PHF21A: variants seen among roughly 807,000 people sequenced by gnomAD.
PHF21A encodes PHD finger protein 21A.
Under a neutral mutation model 82.5 loss-of-function variants are expected in PHF21A, and 11 were observed. The ratio of observed to expected loss-of-function variants is 0.13; its 90% confidence interval spans 0.08 to 0.22. PHF21A has a LOEUF of 0.22. PHF21A is among the 10% of genes least tolerant of loss of function. PHF21A has a pLI of 1.00. For missense variants in PHF21A, 579 were observed against 837.8 expected (o/e 0.69, Z 3.81); for synonymous variants, 297 against 302.8 (o/e 0.98, Z 0.20).
intron 1 of PHF21A, among the ~76,000 whole-genome samples, chr11:46,109,891 G>C (rs1021675990): frequency 5.3e-5 from 8 of 151,336 alleles, no homozygotes; most frequent in Non-Finnish European, 8.8e-5. Context: ...TGAGGAAGGA[G>C]AATCACTTGA....
rs1471627209 is a variant in PHF21A at position 45,948,907 on chromosome 11, G to A, written c.1267C>T (p.His423Tyr). The part of the protein sequence containing the change: ...SAVTYLNSTM[H>Y]PGTRKRGRPP... ...TCACCTCTCTTCCGGGTCCCAGGGTGCATTGTGCTGTTTAGGTATGTCACT... is the reference window on the plus strand; with the variant it reads ...TCACCTCTCTTCCGGGTCCCAGGGTACATTGTGCTGTTTAGGTATGTCACT... Residue 423 changes from histidine to tyrosine, a missense_variant, in exon 14 of 19, where the codon CAC (histidine) becomes TAC (tyrosine). Coordinates refer to ENST00000676320, the MANE Select transcript of PHF21A (RefSeq NM_001352027.3). The A allele has an allele frequency of 1.2e-6, 2 of 1,613,976 alleles. No homozygotes were observed. Among genetic ancestry groups the A allele is most frequent in the African/African-American group, 2.7e-5 (2 of 75,072 alleles).
At chr11:46,099,689 C>T (rs1009341362) in intron 1 of PHF21A, among the ~76,000 whole-genome samples, 2 of 152,024 alleles carry the variant, frequency 1.3e-5, no homozygotes, top group African/African-American at 4.8e-5. Context: ...GAGAAAAAAG[C>T]CAAGCTTTAT....
chr11:45,981,610 G>A (rs1033195062), intron 6 of PHF21A, among the ~76,000 whole-genome samples: 3 of 151,976 alleles, frequency 2.0e-5, no homozygotes, highest in Non-Finnish European at 4.4e-5. Context: ...TTTCAAGTTA[G>A]TTCATTAGCA....
At chr11:45,934,751 AGGAC>A in intron 18 of PHF21A, 1 of 333,604 alleles carries the variant, frequency 3.0e-6, no homozygotes, top group Non-Finnish European at 5.9e-6. Flanking sequence ...CGAAGCCCCA[AGGAC>A]AAAGGCCTGC....
intron 6 of PHF21A, among the ~76,000 whole-genome samples, chr11:46,027,563 T>C (rs183866845): frequency 1.1e-4 from 16 of 152,332 alleles, no homozygotes; most frequent in Admixed American, 3.9e-4. Context: ...ATTCAGTCTT[T>C]AATGCACACA....
chr11:46,074,769 C>G (rs1485685458), intron 6 of PHF21A, among the ~76,000 whole-genome samples: 1 of 152,192 alleles, frequency 6.6e-6, no homozygotes, highest in African/African-American at 2.4e-5. Context: ...TCCCAAAGTG[C>G]TGGGATTACA....
Position 45,979,869 on chromosome 11 carries a change from A to T in PHF21A, c.251T>A (p.Leu84Gln), listed in dbSNP as rs188375803. ...IQPLPQSENK[L>Q]QTAQQQPLQQ... ...TAGTGGTTGCTGCTGTGCTGTTTGTAGTTTGTTTTCAGATTGTGGCAATGG... is the reference window on the plus strand; with the variant it reads ...TAGTGGTTGCTGCTGTGCTGTTTGTTGTTTGTTTTCAGATTGTGGCAATGG... The change falls in exon 7 of 19, where the codon CTA becomes CAA. Residue 84 changes from leucine to glutamine, a missense_variant. Leu to Gln is a moderately radical substitution (Grantham distance 113). Coordinates refer to ENST00000676320, the MANE Select transcript of PHF21A (RefSeq NM_001352027.3). 4 of 1,614,140 alleles carry T rather than the reference A, an allele frequency of 2.5e-6. No homozygotes were observed. Among genetic ancestry groups the T allele is most frequent in the Non-Finnish European group, 3.4e-6 (4 of 1,180,028 alleles).
At chr11:45,950,825 C>T (rs1170115263) in intron 11 of PHF21A, among the ~76,000 whole-genome samples, 1 of 152,168 alleles carries the variant, frequency 6.6e-6, no homozygotes, top group Non-Finnish European at 1.5e-5. Context: ...TTAACAAGCT[C>T]CAAATCCTGA....
At chr11:45,935,055 T>A in intron 18 of PHF21A, 1 of 1,214,082 alleles carries the variant, frequency 8.2e-7, no homozygotes, top group Non-Finnish European at 1.1e-6. Context: ...GGGAGAAGCC[T>A]CTGTCCCCCT....
intron 6 of PHF21A, among the ~76,000 whole-genome samples, chr11:46,018,624 G>A (rs2095566045): frequency 1.3e-5 from 2 of 152,144 alleles, no homozygotes; most frequent in Admixed American, 6.5e-5. Flanking sequence ...ATTTCATATG[G>A]AAGAGATTCC....
At chr11:46,014,911 C>T (rs1300509174) in intron 6 of PHF21A, among the ~76,000 whole-genome samples, 1 of 87,352 alleles carries the variant, frequency 1.1e-5, no homozygotes, top group South Asian at 3.6e-4. Flanking sequence ...ACCCGGGAGG[C>T]GGAGCTTGCA....
At chr11:46,002,450 C>A (rs2095162874) in intron 6 of PHF21A, among the ~76,000 whole-genome samples, 1 of 152,086 alleles carries the variant, frequency 6.6e-6, no homozygotes, top group Non-Finnish European at 1.5e-5. Flanking sequence ...ATATCTCTTT[C>A]CATTTATAAA....
chr11:46,078,183 C>T (rs6485662), intron 5 of PHF21A, among the ~76,000 whole-genome samples: 150,973 of 152,348 alleles, frequency 0.99, 74,819 homozygotes, highest in Middle Eastern at 1. Context: ...GGAATAAGTA[C>T]GGGCTACCAA....
At chr11:46,013,436 C>T (rs528338017) in intron 6 of PHF21A, among the ~76,000 whole-genome samples, 1 of 152,088 alleles carries the variant, frequency 6.6e-6, no homozygotes, top group East Asian at 1.9e-4. Flanking sequence ...GGCCCCAAAG[C>T]GAAAGAGTAG....
At chr11:45,972,242 G>C (rs1428542166) in intron 7 of PHF21A, among the ~76,000 whole-genome samples, 1 of 152,088 alleles carries the variant, frequency 6.6e-6, no homozygotes, top group Non-Finnish European at 1.5e-5. Flanking sequence ...TTGCAGCTTT[G>C]AAGCTGTACT....
chr11:46,119,862 T>C (rs1451658107), intron 1 of PHF21A: 1 of 144,618 alleles, frequency 6.9e-6, no homozygotes, highest in Non-Finnish European at 1.5e-5. Context: ...ACGGAAAGAG[T>C]CCCACTCCGC....
At chr11:46,093,853 A>C (rs1428015483) in intron 1 of PHF21A, among the ~76,000 whole-genome samples, 1 of 152,204 alleles carries the variant, frequency 6.6e-6, no homozygotes, top group Non-Finnish European at 1.5e-5. Context: ...ATTATTTGTT[A>C]AATGAATGAC....
rs200011860 is a variant in PHF21A at position 46,068,722 on chromosome 11, CATAT to C, written c.153+8028_153+8031del. ...GTAGATTCTAGTAGCCCAGTGTCAA[CATAT>C]ATAACACCTGATGACAAGGGCTAAG... On this transcript the variant is annotated intron_variant, in intron 6 of 18. Transcript: ENST00000676320. Among the ~76,000 whole-genome samples, 1,130 of 152,000 alleles carry C rather than the reference CATAT, an allele frequency of 7.4e-3. 7 individuals carry two copies. Among genetic ancestry groups the C allele is most frequent in the Non-Finnish European group, 0.012 (782 of 67,962 alleles).
intron 6 of PHF21A, among the ~76,000 whole-genome samples, chr11:46,014,157 C>G (rs912187984): frequency 1.3e-5 from 2 of 152,176 alleles, no homozygotes; most frequent in Non-Finnish European, 2.9e-5. Flanking sequence ...AACCCTTGCT[C>G]CCATCCTTCC....
Sources: gnomAD v4.1 joint callset for allele counts (sites outside exome capture counted in the v4.1 genomes callset) on GRCh38, gnomAD v4.1.1 for gene constraint, MANE v1.5 for transcripts, NCBI Gene and HGNC (gene_info 2026-07-23, HGNC 2026-07-21) for gene names.